The following XPO7 variants were observed in gnomAD, a reference collection of about 807,000 sequenced individuals.
XPO7 encodes exportin-7.
XPO7 carries 21 observed loss-of-function variants against 144.3 expected under a neutral mutation model. That is an observed-to-expected ratio of 0.15 (90% CI 0.10 to 0.21). The LOEUF is 0.21. Ranked by LOEUF, XPO7 falls within the 10% of genes least tolerant of loss-of-function variation. XPO7 has a pLI of 1.00. For synonymous variants in XPO7, 580 were observed against 499.6 expected (o/e 1.16, Z -2.15); for missense variants, 808 against 1,325.8 (o/e 0.61, Z 6.06).
chr8:21,934,533 CA>C (rs1036419039), intron 1 of XPO7, among the ~76,000 whole-genome samples: 90 of 131,836 alleles, frequency 6.8e-4, no homozygotes, highest in Non-Finnish European at 5.9e-4. Context: ...AACTCCGTCT[CA>C]AAAAAAAAAA....
rs573923151 is a variant in XPO7 at position 22,005,158 on chromosome 8, A to G, written c.*70A>G. 7 of 1,324,634 alleles carry G rather than the reference A, an allele frequency of 5.3e-6. No individual in the cohort carries two copies. Among genetic ancestry groups the G allele is most frequent in the East Asian group, 2.5e-5 (1 of 40,394 alleles). 82.1% of individuals were successfully genotyped at this position (1,324,634 alleles called of 1,614,324 possible). A position where few individuals can be genotyped will look rare whatever the true frequency, so the allele number is the denominator to read the frequency against. On this transcript the variant is annotated 3_prime_UTR_variant, in exon 28 of 28. Coordinates refer to ENST00000252512, the MANE Select transcript of XPO7 (RefSeq NM_015024.5). ...TGGCCCAGAGGGGCGAACAATTGCAAGGGAGAGGGCCTGGCTGATCCTGGC... is the reference window on the plus strand; with the variant it reads ...TGGCCCAGAGGGGCGAACAATTGCAGGGGAGAGGGCCTGGCTGATCCTGGC...
Position 21,919,711 on chromosome 8 carries a change from T to G in XPO7, c.-60T>G, listed in dbSNP as rs1004447981. The G allele has an allele frequency of 4.9e-5, 11 of 224,758 alleles. No homozygotes were observed. Among genetic ancestry groups the G allele is most frequent in the Admixed American group, 3.1e-4 (5 of 15,884 alleles). 13.9% of individuals were successfully genotyped at this position (224,758 alleles called of 1,614,324 possible). A position where few individuals can be genotyped will look rare whatever the true frequency, so the allele number is the denominator to read the frequency against. ...CGTCGGCGGCGGCGGCGGCAGCGGC[T>G]CCGGCCGAGGTGCGCGCTGGGGGGG... On this transcript the variant is annotated 5_prime_UTR_variant, in exon 1 of 28. Coordinates refer to ENST00000252512, the MANE Select transcript of XPO7 (RefSeq NM_015024.5).
intron 1 of XPO7, among the ~76,000 whole-genome samples, chr8:21,921,076 A>T (rs1810266716): frequency 6.6e-6 from 1 of 152,172 alleles, no homozygotes; most frequent in Admixed American, 6.5e-5. Flanking sequence ...AAACCACGGG[A>T]TTTGTGTTTC....
chr8:21,970,129 G>T lies in XPO7; in HGVS notation c.260-15G>T, dbSNP rs1226642776. The stretch of plus-strand genomic sequence containing the variant: ...ATTATGTGGATTGGTTTTGTTTCTT[G>T]TTTTTTTTTAATAGGGAACTATGTG... On this transcript the variant is annotated splice_polypyrimidine_tract_variant and intron_variant, in intron 3 of 27. Coordinates refer to ENST00000252512, the MANE Select transcript of XPO7 (RefSeq NM_015024.5). 6.3e-6 allele frequency: 10 copies of T among 1,580,544 alleles called. No homozygotes were observed. Among genetic ancestry groups the T allele is most frequent in the Middle Eastern group, 1.7e-4 (1 of 5,932 alleles).
intron 1 of XPO7, among the ~76,000 whole-genome samples, chr8:21,921,229 A>G (rs1037323772): frequency 2.0e-5 from 3 of 152,240 alleles, no homozygotes; most frequent in Non-Finnish European, 4.4e-5. Flanking sequence ...TGTGATTTTT[A>G]AAAATTCTTG....
chr8:21,944,728 C>T (rs1340973752), intron 1 of XPO7, among the ~76,000 whole-genome samples: 2 of 151,954 alleles, frequency 1.3e-5, no homozygotes, highest in Non-Finnish European at 2.9e-5. Context: ...CAAAGGTCTC[C>T]GGTTTTCCTA....
At chr8:21,931,255 C>T (rs1257141440) in intron 1 of XPO7, among the ~76,000 whole-genome samples, 4 of 151,708 alleles carry the variant, frequency 2.6e-5, no homozygotes, top group Non-Finnish European at 5.9e-5. Flanking sequence ...CTCCGCCTCC[C>T]AGGTTCAAGT....
chr8:21,925,849 A>T (rs1164160555), intron 1 of XPO7, among the ~76,000 whole-genome samples: 1 of 152,242 alleles, frequency 6.6e-6, no homozygotes, highest in South Asian at 2.1e-4. Flanking sequence ...TGCTCAAACC[A>T]ACATTTCCAT....
chr8:21,936,433 C>T (rs1469797304), intron 1 of XPO7, among the ~76,000 whole-genome samples: 1 of 152,150 alleles, frequency 6.6e-6, no homozygotes, highest in Non-Finnish European at 1.5e-5. Context: ...ATGTTTGATG[C>T]TTATTTTCAC....
rs373053127 is a variant in XPO7 at position 21,984,739 on chromosome 8, G to A, written c.1371G>A (p.Thr457=). The A allele has an allele frequency of 1.2e-4, 199 of 1,613,878 alleles. No homozygotes were observed. The Middle Eastern group carries it at 3.1e-3, about 25-fold the overall frequency. ...TTGGGCGTTGTGAATATGAGAAGAC[G>A]TGTGCACTCCTCGTGCAGTTGTTTG... ...STIGRCEYEK[T]CALLVQLFDQ... The change falls in exon 12 of 28, where the codon ACG becomes ACA. Residue 457 remains threonine, a synonymous_variant. Coordinates refer to ENST00000252512, the MANE Select transcript of XPO7 (RefSeq NM_015024.5).
intron 1 of XPO7, among the ~76,000 whole-genome samples, 162 bp downstream of exon 1, chr8:21,919,950 T>C (rs1199273769): frequency 6.6e-6 from 1 of 151,018 alleles, no homozygotes; most frequent in African/African-American, 2.4e-5. Flanking sequence ...CCCCGGGGCC[T>C]TTCCCGCCTC....
chr8:21,931,089 C>A (rs55918560), intron 1 of XPO7, among the ~76,000 whole-genome samples: 12,108 of 152,056 alleles, frequency 0.08, 622 homozygotes, highest in Middle Eastern at 0.12. Context: ...AGTGATCTGC[C>A]CACCTCTGCT....
At chr8:21,931,201 T>A (rs1386685218) in intron 1 of XPO7, among the ~76,000 whole-genome samples, 3 of 151,490 alleles carry the variant, frequency 2.0e-5, no homozygotes, top group Non-Finnish European at 4.4e-5. Flanking sequence ...CTCGCTCTGT[T>A]GACCAGGCTG....
At chr8:21,928,373 T>C (rs1235268565) in intron 1 of XPO7, among the ~76,000 whole-genome samples, 1 of 152,234 alleles carries the variant, frequency 6.6e-6, no homozygotes. Flanking sequence ...TTTTTAGTCA[T>C]TGTGAATAAA....
intron 2 of XPO7, 64 bp downstream of exon 2, chr8:21,967,067 G>T (rs906218605): frequency 1.5e-5 from 24 of 1,551,938 alleles, no homozygotes; most frequent in Admixed American, 1.5e-4. Context: ...CTGGTTCTCT[G>T]TGTAGGAATG....
In XPO7 at chr8:22,003,938, C is replaced by T. The variant is rs1028612642; in HGVS notation, c.3078C>T (p.Ser1026=). 2 of 1,613,936 alleles carry T rather than the reference C, an allele frequency of 1.2e-6. No homozygotes were observed. The highest frequency in any genetic ancestry group is 1.7e-6 in the Non-Finnish European group (2 of 1,179,852). ...FSDLRNSIVN[S]QPPEKQQAMH... ...ACCTAAGAAACAGTATTGTGAACAG[C>T]CAGCCACCGGAGAAGCAGCAGGCCA... Residue 1026 remains serine, a synonymous_variant, in exon 27 of 28, where the codon AGC becomes AGT. Transcript: ENST00000252512.
chr8:21,935,186 A>G lies in XPO7; in HGVS notation c.18+15398A>G, dbSNP rs193208402. Among the ~76,000 whole-genome samples, 10 of 152,208 alleles carry G rather than the reference A, an allele frequency of 6.6e-5. 1 individual carries two copies. The East Asian group carries it at 1.5e-3, about 24-fold the overall frequency. ...GTTTGGGCCCTAATTGATTTTGACTACTCTATGATTAGTACAGCCAGGCAT... is the reference window on the plus strand; with the variant it reads ...GTTTGGGCCCTAATTGATTTTGACTGCTCTATGATTAGTACAGCCAGGCAT... On this transcript the variant is annotated intron_variant, in intron 1 of 27. Coordinates refer to ENST00000252512, the MANE Select transcript of XPO7 (RefSeq NM_015024.5).
At chr8:21,980,575 C>T (rs1812372125) in intron 9 of XPO7, among the ~76,000 whole-genome samples, 1 of 152,024 alleles carries the variant, frequency 6.6e-6, no homozygotes, top group Admixed American at 6.6e-5. Context: ...AGCTCAAGAC[C>T]AGCCTGGCCA....
chr8:21,954,131 C>G (rs1478466579), intron 1 of XPO7, among the ~76,000 whole-genome samples: 5 of 152,108 alleles, frequency 3.3e-5, no homozygotes, highest in Admixed American at 6.5e-5. Context: ...ATCTGAAATC[C>G]TTTTTATCTA....
Sources: gnomAD v4.1 joint callset for allele counts (sites outside exome capture counted in the v4.1 genomes callset) on GRCh38, gnomAD v4.1.1 for gene constraint, MANE v1.5 for transcripts, NCBI Gene and HGNC (gene_info 2026-07-23, HGNC 2026-07-21) for gene names.